OR7C1: variants seen among roughly 807,000 people sequenced by gnomAD.
OR7C1 encodes the protein olfactory receptor 7C1.
For missense variants in OR7C1, 324 were observed against 383.3 expected (o/e 0.85, Z 1.29); for synonymous variants, 152 against 160.7 (o/e 0.95, Z 0.41).
intron 1 of OR7C1, among the ~76,000 whole-genome samples, chr19:14,833,081 G>A (rs1806102792): frequency 6.6e-6 from 1 of 152,174 alleles, no homozygotes; most frequent in African/African-American, 2.4e-5. Context: ...TAGTTAGAAA[G>A]GATTGGATAT....
At chr19:14,822,373 C>CTTTTT (rs1162241411) in intron 1 of OR7C1, among the ~76,000 whole-genome samples, 2,143 of 67,688 alleles carry the variant, frequency 0.032, 410 homozygotes, top group Non-Finnish European at 0.045. Context: ...TATCTCCTGT[C>CTTTTT]TTTTTTTTTT....
chr19:14,802,581 G>A (rs561356124), intron 2 of OR7C1, among the ~76,000 whole-genome samples: 23 of 152,336 alleles, frequency 1.5e-4, no homozygotes, highest in Admixed American at 7.2e-4. Context: ...AACACAAGGA[G>A]CTTACCTTTA....
chr19:14,825,127 A>AG (rs2044759226), intron 1 of OR7C1: 1 of 152,222 alleles, frequency 6.6e-6, no homozygotes, highest in African/African-American at 2.4e-5. Context: ...GCTACTCAGG[A>AG]GGCTGAGGCA....
Position 14,827,395 on chromosome 19 carries a change from G to C in OR7C1, c.-623+7679C>G, listed in dbSNP as rs370209477. 19 of 1,613,866 alleles carry C rather than the reference G, an allele frequency of 1.2e-5. No individual in the cohort carries two copies. In the African/African-American group the frequency reaches 2.0e-4, roughly 17 times the overall value. On this transcript the variant is annotated intron_variant, in intron 1 of 4. Coordinates refer to ENST00000641666, the Ensembl canonical transcript of OR7C1. ...CTATAGATAAAGGGGTTCAGCATGG[G>C]GGTGACCACAGTGTACATCACTGAG...
At chr19:14,801,809 G>A (rs915430567) in intron 2 of OR7C1, among the ~76,000 whole-genome samples, 15 of 152,202 alleles carry the variant, frequency 9.9e-5, no homozygotes, top group Non-Finnish European at 1.5e-4. Flanking sequence ...GAGAGAGCGC[G>A]CGCTAAGGCG....
exon 5 of OR7C1, chr19:14,798,918 TATC>T: frequency 2.9e-6 from 1 of 344,424 alleles, no homozygotes; most frequent in Non-Finnish European, 5.2e-6. Flanking sequence ...CCAGCTTGCT[TATC>T]TATGTCTGCA....
chr19:14,814,876 C>T (rs1001988024), intron 1 of OR7C1, among the ~76,000 whole-genome samples: 1 of 152,192 alleles, frequency 6.6e-6, no homozygotes, highest in Non-Finnish European at 1.5e-5. Context: ...CAACAACCAA[C>T]CAGCATTAAT....
At position 14,799,291 on chromosome 19, in the gene OR7C1, G is replaced by T. The variant is rs751206108; in HGVS notation, c.846C>A (p.Thr282=). ...TGTAGATGAAGGGGTTCAGCATGGG[G>T]GTGACCATGGTGTACATCACTGAGG... The change falls in exon 5 of 5, where the codon ACC becomes ACA. Residue 282 remains threonine, a synonymous_variant. Transcript: ENST00000641666. The T allele has an allele frequency of 1.1e-5, 18 of 1,614,110 alleles. No individual in the cohort carries two copies. The South Asian group carries it at 1.9e-4, about 17-fold the overall frequency.
intron 1 of OR7C1, among the ~76,000 whole-genome samples, chr19:14,820,142 C>A (rs188709964): frequency 6.6e-6 from 1 of 152,198 alleles, no homozygotes; most frequent in African/African-American, 2.4e-5. Flanking sequence ...AACTCCTGGC[C>A]TCAGGTTGAT....
At chr19:14,808,759 A>C (rs1187048007) in intron 2 of OR7C1, among the ~76,000 whole-genome samples, 1 of 152,018 alleles carries the variant, frequency 6.6e-6, no homozygotes, top group East Asian at 1.9e-4. Flanking sequence ...ACTTGCATTC[A>C]TTACATCTGT....
chr19:14,827,900 G>C, intron 1 of OR7C1: 1 of 1,614,228 alleles, frequency 6.2e-7, no homozygotes, highest in Non-Finnish European at 8.5e-7. Context: ...TCACGGACAG[G>C]AGGAAGTTTT....
chr19:14,815,746 C>T lies in OR7C1; in HGVS notation c.-622-5753G>A, dbSNP rs190884444. ...CAATGCTTTTTGATGATCCTAAGGACCTAATCAAGAGAGTTTCCTTGAGTC... is the reference window on the plus strand; with the variant it reads ...CAATGCTTTTTGATGATCCTAAGGATCTAATCAAGAGAGTTTCCTTGAGTC... On this transcript the variant is annotated intron_variant, in intron 1 of 4. Transcript: ENST00000641666. 3.2e-4 allele frequency among the ~76,000 whole-genome samples: 48 copies of T among 151,820 alleles called. 1 individual carries two copies. The highest frequency in any genetic ancestry group is 4.6e-4 in the Non-Finnish European group (31 of 67,966).
At chr19:14,815,957 G>C (rs1486910731) in intron 1 of OR7C1, among the ~76,000 whole-genome samples, 1 of 152,102 alleles carries the variant, frequency 6.6e-6, no homozygotes, top group African/African-American at 2.4e-5. Context: ...AGGTAGCTGG[G>C]ACTACAGGAA....
At chr19:14,809,327 G>A (rs570760694) in intron 2 of OR7C1, among the ~76,000 whole-genome samples, 4 of 152,038 alleles carry the variant, frequency 2.6e-5, no homozygotes, top group East Asian at 3.9e-4. Context: ...AAATAGAGCC[G>A]AATCCTGAGG....
chr19:14,799,151 C>T (rs1568245999), exon 5 of OR7C1: 1 of 1,568,274 alleles, frequency 6.4e-7, no homozygotes, highest in Non-Finnish European at 8.6e-7. Context: ...AAAAGTGCCT[C>T]CCAATGGTCC....
chr19:14,833,709 G>C (rs1216277135), intron 1 of OR7C1, among the ~76,000 whole-genome samples: 1 of 151,952 alleles, frequency 6.6e-6, no homozygotes, highest in Non-Finnish European at 1.5e-5. Flanking sequence ...TATAAAAATG[G>C]GCATATAGTA....
chr19:14,800,412 G>C, exon 4 of OR7C1: 1 of 373,982 alleles, frequency 2.7e-6, no homozygotes, highest in Non-Finnish European at 4.8e-6. Flanking sequence ...AGATCAACAA[G>C]AGTTTCTTTA....
At chr19:14,812,706 T>C (rs2044697188) in intron 1 of OR7C1, among the ~76,000 whole-genome samples, 1 of 151,918 alleles carries the variant, frequency 6.6e-6, no homozygotes, top group African/African-American at 2.4e-5. Flanking sequence ...TTGCGGCTCG[T>C]CCTGCTACAC....
At chr19:14,814,165 A>G (rs930339306) in intron 1 of OR7C1, among the ~76,000 whole-genome samples, 6 of 152,284 alleles carry the variant, frequency 3.9e-5, no homozygotes, top group African/African-American at 1.2e-4. Flanking sequence ...AAAAGGAGAC[A>G]AAATGTAAAA....
Sources: allele counts gnomAD v4.1 joint callset (sites outside exome capture counted in the v4.1 genomes callset), GRCh38; gene constraint gnomAD v4.1.1; transcripts MANE v1.5; gene names NCBI Gene and HGNC (gene_info 2026-07-23, HGNC 2026-07-21).